TNIK: variants seen among roughly 807,000 people sequenced by gnomAD.
TNIK encodes the protein TRAF2 and NCK-interacting protein kinase.
TNIK carries 49 observed loss-of-function variants against 191.3 expected under a neutral mutation model. That is an observed-to-expected ratio of 0.26 (90% confidence interval 0.20 to 0.32). TNIK has a LOEUF of 0.32. Ranked by LOEUF, TNIK falls within the 10% of genes least tolerant of loss-of-function variation. The probability of loss-of-function intolerance (pLI) is 1.00; values close to 1 mark genes in which losing one functional copy is unlikely to be tolerated. For synonymous variants in TNIK, 594 were observed against 600.9 expected, an observed-to-expected ratio of 0.99 and a Z score of 0.17; for missense variants, 1,155 against 1,702.3, an observed-to-expected ratio of 0.68 and a Z score of 5.66.
intron 4 of TNIK, among the ~76,000 whole-genome samples, chr3:171,197,477 A>G (rs1367828766): frequency 6.6e-6 from 1 of 151,586 alleles, no homozygotes; most frequent in Non-Finnish European, 1.5e-5. Context: ...AGCCCACAGA[A>G]TGGGAAAAGT....
intron 7 of TNIK, among the ~76,000 whole-genome samples, chr3:171,179,280 A>T (rs544738753): frequency 6.6e-6 from 1 of 152,298 alleles, no homozygotes; most frequent in East Asian, 1.9e-4. Context: ...CGCAATCTGC[A>T]CCCCGTGTTT....
chr3:171,172,143 A>G (rs984971779), intron 9 of TNIK, among the ~76,000 whole-genome samples: 2 of 152,024 alleles, frequency 1.3e-5, no homozygotes, highest in African/African-American at 4.8e-5. Context: ...TTAAAAAACA[A>G]AAAAAAAGTT....
chr3:171,335,578 ATGC>A (rs1378166969), intron 2 of TNIK, among the ~76,000 whole-genome samples: 1 of 152,220 alleles, frequency 6.6e-6, no homozygotes, highest in Non-Finnish European at 1.5e-5. Context: ...GGATTCATTC[ATGC>A]TGTTGCATGT....
At chr3:171,180,322 C>A (rs933489117) in intron 7 of TNIK, among the ~76,000 whole-genome samples, 1 of 152,148 alleles carries the variant, frequency 6.6e-6, no homozygotes, top group Non-Finnish European at 1.5e-5. Flanking sequence ...GGGACCTCCC[C>A]CCAGCACTGC....
At chr3:171,274,750 A>C (rs1041749699) in intron 2 of TNIK, among the ~76,000 whole-genome samples, 4 of 134,968 alleles carry the variant, frequency 3.0e-5, no homozygotes, top group African/African-American at 1.2e-4. Context: ...TCTTTAATCA[A>C]CCTCACTAAA....
intron 2 of TNIK, among the ~76,000 whole-genome samples, chr3:171,286,899 T>C (rs1751068180): frequency 6.6e-6 from 1 of 152,208 alleles, no homozygotes; most frequent in African/African-American, 2.4e-5. Flanking sequence ...AATTTAAACC[T>C]TCTTTAACTT....
intron 2 of TNIK, among the ~76,000 whole-genome samples, chr3:171,349,143 T>A (rs1712737432): frequency 6.6e-6 from 1 of 151,996 alleles, no homozygotes; most frequent in African/African-American, 2.4e-5. Context: ...TCCATATAGA[T>A]CATCAACTAC....
chr3:171,063,313 T>A lies in TNIK; in HGVS notation c.*568A>T, dbSNP rs1191886267. 6.6e-6 allele frequency: 1 copy of A among 152,230 alleles called. No individual in the cohort carries two copies. Among genetic ancestry groups the A allele is most frequent in the African/African-American group, 2.4e-5 (1 of 41,462 alleles). 9.4% of individuals were successfully genotyped at this position (152,230 alleles called of 1,614,324 possible). On this transcript the variant is annotated 3_prime_UTR_variant, in exon 33 of 33. Coordinates refer to ENST00000436636, the MANE Select transcript of TNIK (RefSeq NM_015028.4). ...AGCCAGTTGCTATCAAAAAGCAACC[T>A]TTTGGGTTGGTGAAGGCAAGAGAGT...
intron 2 of TNIK, among the ~76,000 whole-genome samples, chr3:171,253,937 C>T (rs1746551568): frequency 6.6e-6 from 1 of 152,080 alleles, no homozygotes; most frequent in Non-Finnish European, 1.5e-5. Context: ...AATAAAAACA[C>T]ACAACTAGCA....
chr3:171,389,168 C>G (rs562501631), intron 1 of TNIK, among the ~76,000 whole-genome samples: 1 of 152,270 alleles, frequency 6.6e-6, no homozygotes, highest in African/African-American at 2.4e-5. Context: ...CACAAGGGAT[C>G]TAGCACAACC....
Position 171,112,785 on chromosome 3 carries a change from T to C in TNIK, c.2121-1908A>G, listed in dbSNP as rs143625408. ...ATTGTGAGCATATTCTTATGCTGTG[T>C]AATAGCTTCATTAATTGTCTATTAT... On this transcript the variant is annotated intron_variant, in intron 18 of 32. Coordinates refer to ENST00000436636, the MANE Select transcript of TNIK (RefSeq NM_015028.4). Among the ~76,000 whole-genome samples the C allele has an allele frequency of 3.8e-3, 580 of 152,060 alleles. 2 individuals are homozygous for C. The highest frequency in any genetic ancestry group is 0.014 in the African/African-American group (560 of 41,374).
chr3:171,138,216 C>A lies in TNIK; in HGVS notation c.1583G>T (p.Ser528Ile). The A allele has an allele frequency of 6.2e-7, 1 of 1,610,746 alleles. No homozygotes were observed. Among genetic ancestry groups the A allele is most frequent in the Non-Finnish European group, 8.5e-7 (1 of 1,178,970 alleles). ...LYHYKEGMSP[S>I]EKPAWAKEVE... ...CTCCTTGGCCCATGCTGGCTTCTCA[C>A]TAGGACTCATTCCTTCTTTGTAATG... The change falls in exon 15 of 33, where the codon AGT (serine) becomes ATT (isoleucine). Residue 528 changes from serine to isoleucine, a missense_variant. By Grantham distance (142) the Ser-to-Ile change is moderately radical (BLOSUM62 -2). Transcript: ENST00000436636.
chr3:171,213,200 G>A (rs773344968), intron 3 of TNIK, among the ~76,000 whole-genome samples: 14 of 151,932 alleles, frequency 9.2e-5, no homozygotes, highest in Non-Finnish European at 1.6e-4. Flanking sequence ...GTCTTACTAT[G>A]GTGCACATTG....
At chr3:171,143,491 A>G (rs1187357015) in intron 12 of TNIK, among the ~76,000 whole-genome samples, 1 of 152,204 alleles carries the variant, frequency 6.6e-6, no homozygotes, top group African/African-American at 2.4e-5. Context: ...GGTGCACCTA[A>G]GAGTTTGTTG....
At chr3:171,396,697 G>A (rs1327905433) in intron 1 of TNIK, among the ~76,000 whole-genome samples, 1 of 152,122 alleles carries the variant, frequency 6.6e-6, no homozygotes, top group Non-Finnish European at 1.5e-5. Flanking sequence ...TATCTTCTAA[G>A]AATTGAAATT....
Position 171,157,532 on chromosome 3 carries a change from G to A in TNIK, c.1149C>T (p.His383=). Residue 383 remains histidine (H), a synonymous_variant, in exon 12 of 33, where the codon CAC becomes CAT. Coordinates refer to ENST00000436636, the MANE Select transcript of TNIK (RefSeq NM_015028.4). ...LEQQQRENEE[H]KRQLLAERQK... is the part of the protein sequence containing the mutation. Reference sequence around the variant, plus strand: ...GACGCTCGGCCAGCAGCTGCCGCTTGTGCTCCTCATTCTCCCGCTGCTGCT... The same window carrying A: ...GACGCTCGGCCAGCAGCTGCCGCTTATGCTCCTCATTCTCCCGCTGCTGCT... 1.3e-6 allele frequency: 2 copies of A among 1,571,238 alleles called. No homozygotes were observed. Among genetic ancestry groups the A allele is most frequent in the Non-Finnish European group, 8.6e-7 (1 of 1,158,558 alleles).
chr3:171,068,222 C>T (rs1285760067), intron 30 of TNIK, among the ~76,000 whole-genome samples: 1 of 152,160 alleles, frequency 6.6e-6, no homozygotes, highest in Admixed American at 6.5e-5. Flanking sequence ...CTACAATTTG[C>T]AGGGCCCTGT....
At chr3:171,327,666 A>G (rs1262063888) in intron 2 of TNIK, among the ~76,000 whole-genome samples, 3 of 152,120 alleles carry the variant, frequency 2.0e-5, no homozygotes, top group Admixed American at 6.5e-5. Context: ...CACAGACCAC[A>G]AAATATTAAA....
intron 1 of TNIK, among the ~76,000 whole-genome samples, chr3:171,395,181 C>T (rs1393249011): frequency 1.3e-5 from 2 of 152,132 alleles, no homozygotes. Flanking sequence ...ACAGTAAAAG[C>T]TAATATGGCA....
Sources: allele counts gnomAD v4.1 joint callset (sites outside exome capture counted in the v4.1 genomes callset), GRCh38; gene constraint gnomAD v4.1.1; transcripts MANE v1.5; gene names NCBI Gene and HGNC (gene_info 2026-07-23, HGNC 2026-07-21).